Variants in KIZ observed in about 807,000 individuals in gnomAD.
KIZ encodes the protein kizuna centrosomal protein, also known as centrosomal protein kizuna.
In KIZ, 68 loss-of-function variants were observed where a neutral mutation model predicts 79.6. The observed-to-expected ratio is 0.85, with a 90% CI of 0.70 to 1.05. The LOEUF (loss-of-function observed/expected upper bound fraction) is 1.05. Among genes scored for constraint, KIZ ranks in the 50% least tolerant of loss-of-function variants. The pLI, the probability that KIZ is intolerant of heterozygous loss-of-function variation, is 0.00. For synonymous variants in KIZ, 280 were observed against 281.8 expected, an observed-to-expected ratio of 0.99 and a Z score of 0.06; for missense variants, 797 against 800.4, an observed-to-expected ratio of 1.00 and a Z score of 0.05.
Position 21,161,937 on chromosome 20 carries a change from A to G in KIZ, c.472A>G (p.Ile158Val). 6.2e-7 allele frequency: 1 copy of G among 1,613,870 alleles called. No individual in the cohort carries two copies. The highest frequency in any genetic ancestry group is 8.5e-7 in the Non-Finnish European group (1 of 1,179,730). ...MSRGLYQPAT[I>V]FMGRQMSAIL... ...AAGAGGATTGTATCAACCAGCAACA[A>G]TCTTTATGGGCCGCCAAATGTCAGC... Residue 158 changes from isoleucine to valine, a missense_variant, in exon 5 of 13, where the codon ATC (isoleucine) becomes GTC (valine). Transcript: ENST00000619189.
intron 7 of KIZ, among the ~76,000 whole-genome samples, chr20:21,208,927 C>T (rs189440193): frequency 5.9e-5 from 9 of 151,474 alleles, no homozygotes; most frequent in Non-Finnish European, 7.4e-5. Flanking sequence ...GTATTGAAAC[C>T]ATCTACACAT....
Position 21,229,054 on chromosome 20 carries a change from T to G in KIZ, c.1722T>G (p.Asp574Glu), listed in dbSNP as rs372337969. ...TGCTGAAGAAGGCCACCCTTCAGGA[T>G]AATACAAATCAAACTGAAAACAGGT... is the stretch of plus-strand genomic sequence containing the variant. Reference protein sequence around the residue: ...YQLLKKATLQDNTNQTENRFQ... With the variant: ...YQLLKKATLQENTNQTENRFQ... The change falls in exon 10 of 13, where the codon GAT (aspartate) becomes GAG (glutamate). Residue 574 changes from aspartate to glutamate, a missense_variant. Transcript: ENST00000619189. 1.9e-6 allele frequency: 3 copies of G among 1,612,624 alleles called. No individual in the cohort carries two copies. Among genetic ancestry groups the G allele is most frequent in the Non-Finnish European group, 2.5e-6 (3 of 1,178,990 alleles).
intron 1 of KIZ, among the ~76,000 whole-genome samples, chr20:21,126,944 C>T (rs909440835): frequency 6.6e-6 from 1 of 152,170 alleles, no homozygotes; most frequent in Non-Finnish European, 1.5e-5. Flanking sequence ...TTGTAACTCT[C>T]ATTAGTTGAC....
At chr20:21,181,046 T>C (rs983388855) in intron 6 of KIZ, among the ~76,000 whole-genome samples, 1 of 152,236 alleles carries the variant, frequency 6.6e-6, no homozygotes. Context: ...ATAACCATGA[T>C]GACTGGTTTG....
At chr20:21,159,011 T>G (rs1294135477) in intron 4 of KIZ, among the ~76,000 whole-genome samples, 2 of 95,530 alleles carry the variant, frequency 2.1e-5, no homozygotes, top group Non-Finnish European at 5.3e-5. Flanking sequence ...TTATTACTAT[T>G]ATTATTATTT....
intron 6 of KIZ, among the ~76,000 whole-genome samples, chr20:21,181,020 G>A (rs2034634044): frequency 6.6e-6 from 1 of 152,222 alleles, no homozygotes; most frequent in Non-Finnish European, 1.5e-5. Context: ...TTATTATACA[G>A]CAGTAGGTAA....
chr20:21,156,307 C>T (rs1249722338), intron 4 of KIZ, among the ~76,000 whole-genome samples: 1 of 151,934 alleles, frequency 6.6e-6, no homozygotes, highest in Non-Finnish European at 1.5e-5. Flanking sequence ...TTTTGCTGTT[C>T]CAGGACCCAA....
chr20:21,209,896 A>G (rs1273778266), intron 7 of KIZ, among the ~76,000 whole-genome samples: 2 of 92,852 alleles, frequency 2.2e-5, no homozygotes, highest in Non-Finnish European at 4.6e-5. Context: ...TGATAGCAGA[A>G]ATTGGATTTC....
intron 6 of KIZ, chr20:21,197,869 A>G (rs763699592): frequency 1.3e-5 from 2 of 152,194 alleles, no homozygotes; most frequent in Non-Finnish European, 2.9e-5. Context: ...GCATTCTGAA[A>G]GAAGACCTTG....
chr20:21,167,048 A>G (rs1429424352), intron 6 of KIZ, among the ~76,000 whole-genome samples: 3 of 152,230 alleles, frequency 2.0e-5, no homozygotes, highest in Non-Finnish European at 4.4e-5. Flanking sequence ...TGATTCTGCC[A>G]ATAACCAGTG....
rs987763801 is a variant in KIZ at position 21,203,098 on chromosome 20, A to G, written c.1353-2393A>G. Among the ~76,000 whole-genome samples the G allele has an allele frequency of 3.3e-5, 5 of 152,248 alleles. No individual in the cohort carries two copies. In the South Asian group the frequency reaches 8.3e-4, roughly 25 times the overall value. On this transcript the variant is annotated intron_variant, in intron 6 of 12. Transcript: ENST00000619189. ...TAGTCCTTGTCAGTTTGCCTTGCTT[A>G]TCTGAAAAATTGTTTTTCTGCGTTT...
chr20:21,246,550 G>A lies in KIZ; in HGVS notation c.1996G>A (p.Asp666Asn), dbSNP rs775652816. 4.1e-5 allele frequency: 66 copies of A among 1,606,210 alleles called. No individual in the cohort carries two copies. Among genetic ancestry groups the A allele is most frequent in the Admixed American group, 1.8e-4 (11 of 59,660 alleles). Residue 666 changes from aspartate (D) to asparagine (N), a missense_variant, in exon 13 of 13, where the codon GAT becomes AAT. By Grantham distance (23) the Asp-to-Asn change is conservative. Coordinates refer to ENST00000619189, the MANE Select transcript of KIZ (RefSeq NM_018474.6). ...AALRPRNHNT[D>N]DSDDFYD ...TTTACGCCCCAGAAACCATAACACC[G>A]ATGATTCTGATGATTTTTATGACTA...
intron 12 of KIZ, chr20:21,244,516 T>C: frequency 3.8e-6 from 2 of 533,080 alleles, no homozygotes; most frequent in Non-Finnish European, 6.6e-6. Flanking sequence ...CATTGTAATT[T>C]GCAAGTATGA....
In KIZ at chr20:21,246,475, C is replaced by T. The variant is rs750644654; in HGVS notation, c.1925-4C>T. 1.0e-5 allele frequency: 16 copies of T among 1,584,482 alleles called. No individual in the cohort carries two copies. The Admixed American group carries it at 2.7e-4, about 27-fold the overall frequency. On this transcript the variant is annotated splice_polypyrimidine_tract_variant and splice_region_variant and intron_variant, in intron 12 of 12. Coordinates refer to ENST00000619189, the MANE Select transcript of KIZ (RefSeq NM_018474.6). ...TTAAATAACTGTCTGGTTTTATTTT[C>T]CAGCCCTCTGGGATGAGTCTGATGA...
chr20:21,135,941 T>A (rs1459468936), intron 2 of KIZ, among the ~76,000 whole-genome samples: 4 of 152,244 alleles, frequency 2.6e-5, no homozygotes, highest in Non-Finnish European at 5.9e-5. Context: ...TTTACATTTT[T>A]AAATTTCTTT....
chr20:21,176,652 G>A (rs2034448903), intron 6 of KIZ, among the ~76,000 whole-genome samples: 1 of 151,842 alleles, frequency 6.6e-6, no homozygotes, highest in Non-Finnish European at 1.5e-5. Flanking sequence ...GGATTTTTCA[G>A]ACTAGGAATT....
chr20:21,132,163 A>G lies in KIZ; in HGVS notation c.152+4A>G. ...ATAATCAGTCTGATACATGCAGGTA[A>G]GAGACGACAGTGGGAACAGTTTTCA... On this transcript the variant is annotated splice_donor_region_variant and intron_variant, in intron 2 of 12. Transcript: ENST00000619189. The G allele has an allele frequency of 7.1e-7, 1 of 1,416,394 alleles. No individual in the cohort carries two copies. Among genetic ancestry groups the G allele is most frequent in the Non-Finnish European group, 9.6e-7 (1 of 1,036,508 alleles). 87.7% of individuals were successfully genotyped at this position (1,416,394 alleles called of 1,614,324 possible). A position where few individuals can be genotyped will look rare whatever the true frequency, so the allele number is the denominator to read the frequency against.
chr20:21,156,544 A>C (rs1328046694), intron 4 of KIZ, among the ~76,000 whole-genome samples: 1 of 152,206 alleles, frequency 6.6e-6, no homozygotes, highest in Non-Finnish European at 1.5e-5. Flanking sequence ...AGAAACAATT[A>C]TGTATAGTAT....
intron 3 of KIZ, chr20:21,144,156 C>T (rs117884204): frequency 1.3e-5 from 2 of 152,096 alleles, no homozygotes; most frequent in Admixed American, 6.6e-5. Context: ...GAATAAAACT[C>T]TCATATTTCT....
Sources: gnomAD v4.1 joint callset for allele counts (sites outside exome capture counted in the v4.1 genomes callset) on GRCh38, gnomAD v4.1.1 for gene constraint, MANE v1.5 for transcripts, NCBI Gene and HGNC (gene_info 2026-07-23, HGNC 2026-07-21) for gene names.